Variants in GABRB1 observed in about 807,000 individuals in gnomAD.
GABRB1 encodes the protein gamma-aminobutyric acid type A receptor subunit beta1, also known as gamma-aminobutyric acid receptor subunit beta-1.
Under a neutral mutation model 51.6 loss-of-function variants are expected in GABRB1, and 17 were observed. The ratio of observed to expected loss-of-function variants is 0.33; its 90% confidence interval spans 0.23 to 0.49. GABRB1 has a LOEUF of 0.49. GABRB1 is among the 20% of genes least tolerant of loss of function. The pLI is 0.99. For synonymous variants in GABRB1, 247 were observed against 218.9 expected (o/e 1.13, Z -1.14); for missense variants, 410 against 600.6 (o/e 0.68, Z 3.32).
chr4:47,203,036 A>G (rs1434771982), intron 4 of GABRB1, among the ~76,000 whole-genome samples: 2 of 152,160 alleles, frequency 1.3e-5, no homozygotes, highest in Non-Finnish European at 2.9e-5. Flanking sequence ...CACCTCCCAT[A>G]CAGATACCTT....
chr4:47,071,867 T>G (rs1457366087), intron 3 of GABRB1, among the ~76,000 whole-genome samples: 1 of 152,108 alleles, frequency 6.6e-6, no homozygotes, highest in Non-Finnish European at 1.5e-5. Flanking sequence ...GTAACCTATT[T>G]TTTAGCAAAG....
At chr4:47,165,938 T>C (rs1222055241) in intron 4 of GABRB1, among the ~76,000 whole-genome samples, 2 of 152,164 alleles carry the variant, frequency 1.3e-5, no homozygotes, top group African/African-American at 2.4e-5. Flanking sequence ...CACTGAGACT[T>C]AATCTGTTGC....
chr4:47,341,889 G>T (rs951217122), intron 5 of GABRB1, among the ~76,000 whole-genome samples: 3 of 152,248 alleles, frequency 2.0e-5, no homozygotes, highest in African/African-American at 4.8e-5. Context: ...AAAGATCTAT[G>T]CCTGGCAAAA....
rs575586335 is a variant in GABRB1, at chr4:47,332,268, C to T, written c.544+12059C>T. 2.0e-5 allele frequency among the ~76,000 whole-genome samples: 3 copies of T among 152,300 alleles called. No homozygotes were observed. The South Asian group carries it at 6.2e-4, about 32-fold the overall frequency. ...TAAATGGCTACCAATACTATTCCCC[C>T]AAATCACATCAGTGTGGTGCTGGGC... On this transcript the variant is annotated intron_variant, in intron 5 of 8. Transcript: ENST00000295454.
intron 4 of GABRB1, among the ~76,000 whole-genome samples, chr4:47,266,566 T>C (rs544074590): frequency 6.6e-6 from 1 of 152,220 alleles, no homozygotes; most frequent in African/African-American, 2.4e-5. Flanking sequence ...GGTTGTTTAA[T>C]TTCATATATT....
At chr4:47,342,506 A>G (rs898313581) in intron 5 of GABRB1, among the ~76,000 whole-genome samples, 5 of 152,238 alleles carry the variant, frequency 3.3e-5, no homozygotes, top group African/African-American at 1.2e-4. Flanking sequence ...TACAGTTGAA[A>G]GACCATACAG....
chr4:47,375,224 C>T (rs754474741), intron 5 of GABRB1, among the ~76,000 whole-genome samples: 2 of 152,132 alleles, frequency 1.3e-5, no homozygotes, highest in Non-Finnish European at 2.9e-5. Context: ...CTGGGAGTGA[C>T]ATTGTCATAT....
intron 3 of GABRB1, among the ~76,000 whole-genome samples, chr4:47,142,055 A>T (rs573017472): frequency 6.6e-6 from 1 of 152,052 alleles, no homozygotes; most frequent in Non-Finnish European, 1.5e-5. Context: ...GGGAGCCTAC[A>T]CTACAGAGGG....
At chr4:47,030,227 T>C (rs1009882348), upstream of GABRB1, among the ~76,000 whole-genome samples, 5 of 152,206 alleles carry the variant, frequency 3.3e-5, no homozygotes, top group Non-Finnish European at 7.4e-5. Context: ...TCTAAACTTC[T>C]TGTGCATATT....
chr4:47,067,874 C>A (rs927463128), intron 3 of GABRB1, among the ~76,000 whole-genome samples: 3 of 152,068 alleles, frequency 2.0e-5, no homozygotes, highest in African/African-American at 7.2e-5. Context: ...GATGCTCTCC[C>A]TCCCCTTAAC....
intron 4 of GABRB1, among the ~76,000 whole-genome samples, chr4:47,191,682 A>G (rs1719446135): frequency 6.6e-6 from 1 of 152,162 alleles, no homozygotes. Flanking sequence ...CTACCTTTCC[A>G]GAATATTCAT....
intron 3 of GABRB1, among the ~76,000 whole-genome samples, chr4:47,049,573 T>C (rs555533211): frequency 6.6e-6 from 1 of 152,288 alleles, no homozygotes; most frequent in South Asian, 2.1e-4. Flanking sequence ...GCAAATGGCA[T>C]CCGAGGTTAA....
intron 4 of GABRB1, among the ~76,000 whole-genome samples, chr4:47,306,674 C>T (rs181536279): frequency 1.1e-4 from 16 of 152,206 alleles, no homozygotes; most frequent in African/African-American, 3.6e-4. Context: ...TTCCCTAAGA[C>T]ATATATGCTA....
chr4:47,093,370 T>C (rs1387441167), intron 3 of GABRB1, among the ~76,000 whole-genome samples: 2 of 152,228 alleles, frequency 1.3e-5, no homozygotes, highest in African/African-American at 4.8e-5. Flanking sequence ...TCCATTATTC[T>C]AATATTATTT....
At chr4:47,424,322 C>T (rs1390065032) in intron 8 of GABRB1, among the ~76,000 whole-genome samples, 3 of 152,190 alleles carry the variant, frequency 2.0e-5, no homozygotes, top group Admixed American at 6.5e-5. Flanking sequence ...CGTTCTAAAT[C>T]TCATTTGCCT....
chr4:47,361,594 G>A (rs1726808595), intron 5 of GABRB1, among the ~76,000 whole-genome samples: 1 of 152,148 alleles, frequency 6.6e-6, no homozygotes, highest in Non-Finnish European at 1.5e-5. Flanking sequence ...GAAGTACAGA[G>A]TGGAAGTGAC....
chr4:47,067,013 C>A (rs1364858915), intron 3 of GABRB1, among the ~76,000 whole-genome samples: 1 of 152,168 alleles, frequency 6.6e-6, no homozygotes, highest in Non-Finnish European at 1.5e-5. Context: ...CGAATGAATG[C>A]AGAATGAATG....
At chr4:47,074,885 G>C (rs901788724) in intron 3 of GABRB1, among the ~76,000 whole-genome samples, 3 of 152,182 alleles carry the variant, frequency 2.0e-5, no homozygotes, top group African/African-American at 7.2e-5. Context: ...TGGGGTACTA[G>C]GCAAATCTCA....
At chr4:47,314,949 C>A (rs1008383038) in intron 4 of GABRB1, among the ~76,000 whole-genome samples, 2 of 151,962 alleles carry the variant, frequency 1.3e-5, no homozygotes, top group Non-Finnish European at 2.9e-5. Context: ...AAATACCATT[C>A]TGGACAGAGG....
Sources: allele counts gnomAD v4.1 joint callset (sites outside exome capture counted in the v4.1 genomes callset), GRCh38; gene constraint gnomAD v4.1.1; transcripts MANE v1.5; gene names NCBI Gene and HGNC (gene_info 2026-07-23, HGNC 2026-07-21).